Variants in PPP1R12B observed in about 807,000 individuals in gnomAD.
The protein encoded by PPP1R12B is protein phosphatase 1 regulatory subunit 12B, also known as myosin phosphatase target subunit 2.
PPP1R12B carries 76 observed loss-of-function variants against 126.1 expected under a neutral mutation model. That is an observed-to-expected ratio of 0.60 (90% CI 0.50 to 0.73). The LOEUF (loss-of-function observed/expected upper bound fraction) is 0.73. Among genes scored for constraint, PPP1R12B ranks in the 30% least tolerant of loss-of-function variants. The probability of loss-of-function intolerance (pLI) is 0.00; values close to 1 mark genes in which losing one functional copy is unlikely to be tolerated. For synonymous variants in PPP1R12B, 356 were observed against 434.7 expected (o/e 0.82, Z 2.25); for missense variants, 1,052 against 1,205.1 (o/e 0.87, Z 1.88).
At position 202,462,836 on chromosome 1, in the gene PPP1R12B, A is replaced by C. The variant is rs1674491329; in HGVS notation, c.1850+13665A>C. 7 of 985,294 alleles carry C rather than the reference A, an allele frequency of 7.1e-6. No homozygotes were observed. The South Asian group carries it at 3.3e-4, about 46-fold the overall frequency. 61.0% of individuals were successfully genotyped at this position (985,294 alleles called of 1,614,324 possible). A position where few individuals can be genotyped will look rare whatever the true frequency, so the allele number is the denominator to read the frequency against. On this transcript the variant is annotated intron_variant, in intron 13 of 23. Transcript: ENST00000608999. ...GTTTGTTGAAAATTGGGCTTCTGGGAAAGTTGCTGCACAAGTGTGTGGCAA... is the reference window on the plus strand; with the variant it reads ...GTTTGTTGAAAATTGGGCTTCTGGGCAAGTTGCTGCACAAGTGTGTGGCAA...
At position 202,588,825 on chromosome 1, in the gene PPP1R12B, A is replaced by AGATAGATAG. The variant is rs1689976895; in HGVS notation, c.*8266_*8274dup. 1 of 27,520 alleles carries AGATAGATAG rather than the reference A, an allele frequency of 3.6e-5. No individual in the cohort carries two copies. Among genetic ancestry groups the AGATAGATAG allele is most frequent in the Non-Finnish European group, 7.9e-5 (1 of 12,628 alleles). 1.7% of individuals were successfully genotyped at this position (27,520 alleles called of 1,614,324 possible). The stretch of plus-strand genomic sequence containing the variant: ...TAGATTGGCGTTCAAAAGAACCGTA[A>AGATAGATAG]GATAGATAGATAGATAGATAGATAG... On this transcript the variant is annotated 3_prime_UTR_variant, in exon 24 of 24. Coordinates refer to ENST00000608999, the MANE Select transcript of PPP1R12B (RefSeq NM_002481.4).
chr1:202,379,467 C>T (rs923142853), intron 1 of PPP1R12B, among the ~76,000 whole-genome samples: 2 of 152,192 alleles, frequency 1.3e-5, no homozygotes, highest in African/African-American at 4.8e-5. Context: ...TCCCCATCTC[C>T]ACCGTCTACT....
intron 18 of PPP1R12B, among the ~76,000 whole-genome samples, chr1:202,526,749 T>G (rs531952022): frequency 3.9e-5 from 6 of 152,062 alleles, no homozygotes; most frequent in Admixed American, 3.3e-4. Context: ...GAATTGAGAT[T>G]ATGGAGGGGT....
chr1:202,387,697 G>A (rs1476662354), intron 1 of PPP1R12B, among the ~76,000 whole-genome samples: 1 of 151,980 alleles, frequency 6.6e-6, no homozygotes, highest in South Asian at 2.1e-4. Flanking sequence ...TATTTGATCC[G>A]TTTCTGCCTA....
At chr1:202,413,753 T>C (rs1416101422) in intron 1 of PPP1R12B, among the ~76,000 whole-genome samples, 1 of 152,222 alleles carries the variant, frequency 6.6e-6, no homozygotes, top group African/African-American at 2.4e-5. Context: ...TTTTTACAAA[T>C]TTATTTTAAT....
chr1:202,447,941 TG>T (rs1436297972), intron 12 of PPP1R12B, among the ~76,000 whole-genome samples: 2 of 152,192 alleles, frequency 1.3e-5, no homozygotes, highest in Non-Finnish European at 2.9e-5. Flanking sequence ...AAGTAGCATG[TG>T]TTTTTTTAGA....
At chr1:202,462,474 G>T (rs1558258134) in intron 13 of PPP1R12B, among the ~76,000 whole-genome samples, 1 of 152,062 alleles carries the variant, frequency 6.6e-6, no homozygotes, top group East Asian at 1.9e-4. Flanking sequence ...GCATTTAGAA[G>T]AAAGGACAAG....
chr1:202,404,872 A>G lies in PPP1R12B; in HGVS notation c.292-11915A>G, dbSNP rs1268955617. Among the ~76,000 whole-genome samples, 6 of 152,326 alleles carry G rather than the reference A, an allele frequency of 3.9e-5. No homozygotes were observed. In the East Asian group the frequency reaches 7.7e-4, roughly 20 times the overall value. On this transcript the variant is annotated intron_variant, in intron 1 of 23. Transcript: ENST00000608999. ...AGTTAGCAACTTCTTACTCTGCACT[A>G]TAACACTTTGTACTTAGCTCTCATT... is the stretch of plus-strand genomic sequence containing the variant.
intron 13 of PPP1R12B, among the ~76,000 whole-genome samples, chr1:202,484,919 C>A (rs1193692298): frequency 6.6e-6 from 1 of 152,126 alleles, no homozygotes; most frequent in Non-Finnish European, 1.5e-5. Context: ...GCCACACAAC[C>A]CTGCAGTGGT....
intron 12 of PPP1R12B, among the ~76,000 whole-genome samples, chr1:202,446,414 C>T (rs980413653): frequency 5.4e-5 from 8 of 148,138 alleles, no homozygotes; most frequent in African/African-American, 1.7e-4. Context: ...CCACCATACC[C>T]GGCTAATTTT....
chr1:202,506,881 G>T (rs1165308968), intron 18 of PPP1R12B, among the ~76,000 whole-genome samples: 1 of 152,136 alleles, frequency 6.6e-6, no homozygotes, highest in Non-Finnish European at 1.5e-5. Flanking sequence ...AATTCATAGG[G>T]CTACTTTCAG....
At chr1:202,556,507 T>TA (rs1686955636) in intron 18 of PPP1R12B, among the ~76,000 whole-genome samples, 3 of 152,320 alleles carry the variant, frequency 2.0e-5, no homozygotes, top group Non-Finnish European at 4.4e-5. Flanking sequence ...TATGTTTTTT[T>TA]AAAAAATGTA....
At chr1:202,376,504 A>C (rs1318655038) in intron 1 of PPP1R12B, among the ~76,000 whole-genome samples, 1 of 152,246 alleles carries the variant, frequency 6.6e-6, no homozygotes, top group African/African-American at 2.4e-5. Context: ...GCAAACTGAA[A>C]GTATAAATTG....
rs150743662 is a variant in PPP1R12B at position 202,553,062 on chromosome 1, C to A, written c.2491-5815C>A. ...ATCTGAATTAATGGTGATCTTCATT[C>A]TGTTCTTTTATTAGAAACAGGCCCA... On this transcript the variant is annotated intron_variant, in intron 18 of 23. Coordinates refer to ENST00000608999, the MANE Select transcript of PPP1R12B (RefSeq NM_002481.4). Among the ~76,000 whole-genome samples the A allele has an allele frequency of 4.6e-3, 701 of 152,284 alleles. 6 individuals carry two copies. Among genetic ancestry groups the A allele is most frequent in the African/African-American group, 0.016 (674 of 41,548 alleles).
At chr1:202,390,641 G>C (rs1663997013) in intron 1 of PPP1R12B, among the ~76,000 whole-genome samples, 1 of 151,264 alleles carries the variant, frequency 6.6e-6, no homozygotes, top group African/African-American at 2.4e-5. Flanking sequence ...AAGGACTGCA[G>C]GTGTGTGACA....
At chr1:202,523,482 G>A (rs1164170238) in intron 18 of PPP1R12B, among the ~76,000 whole-genome samples, 2 of 152,190 alleles carry the variant, frequency 1.3e-5, no homozygotes, top group East Asian at 1.9e-4. Context: ...CAGATGTAGT[G>A]TAGTGAGGTC....
intron 19 of PPP1R12B, among the ~76,000 whole-genome samples, chr1:202,559,431 G>T (rs998459928): frequency 2.0e-5 from 3 of 152,134 alleles, no homozygotes; most frequent in Non-Finnish European, 4.4e-5. Context: ...TTTGTTGAAT[G>T]AACAAACTAA....
At chr1:202,567,546 A>G (rs975607639) in intron 21 of PPP1R12B, 3 of 517,456 alleles carry the variant, frequency 5.8e-6, no homozygotes, top group Non-Finnish European at 1.0e-5. Flanking sequence ...ATTTCAGGGA[A>G]TACTACTACT....
chr1:202,517,193 G>C (rs564365335), intron 18 of PPP1R12B, among the ~76,000 whole-genome samples: 1 of 152,258 alleles, frequency 6.6e-6, no homozygotes, highest in African/African-American at 2.4e-5. Context: ...TAAAAGAAAA[G>C]TTTTAGAAGA....
Sources: gnomAD v4.1 joint callset for allele counts (sites outside exome capture counted in the v4.1 genomes callset) on GRCh38, gnomAD v4.1.1 for gene constraint, MANE v1.5 for transcripts, NCBI Gene and HGNC (gene_info 2026-07-23, HGNC 2026-07-21) for gene names.